CCDC170: variants seen among roughly 807,000 people sequenced by gnomAD.
CCDC170 encodes the protein coiled-coil domain containing 170.
Under a neutral mutation model 72.6 loss-of-function variants are expected in CCDC170, and 69 were observed. The ratio of observed to expected loss-of-function variants is 0.95; its 90% CI spans 0.78 to 1.16. The LOEUF is 1.16. CCDC170 is among the 50% of genes most tolerant of loss of function. The pLI is 0.00. For synonymous variants in CCDC170, 300 were observed against 303.9 expected, an observed-to-expected ratio of 0.99 and a Z score of 0.13; for missense variants, 852 against 832.5, an observed-to-expected ratio of 1.02 and a Z score of -0.29.
chr6:151,562,670 G>A (rs1776058822), intron 5 of CCDC170, among the ~76,000 whole-genome samples: 1 of 152,120 alleles, frequency 6.6e-6, no homozygotes, highest in Non-Finnish European at 1.5e-5. Context: ...CTTATTTTGT[G>A]GAATAGCACT....
At chr6:151,513,936 A>AAAAAAG (rs1782189642) in intron 1 of CCDC170, among the ~76,000 whole-genome samples, 1 of 151,076 alleles carries the variant, frequency 6.6e-6, no homozygotes, top group African/African-American at 2.4e-5. Context: ...AAAAAAAAAA[A>AAAAAAG]AAAGAAAAAA....
In CCDC170 at chr6:151,619,249, G is replaced by C. The variant is rs893268943; in HGVS notation, c.*1102G>C. On this transcript the variant is annotated 3_prime_UTR_variant, in exon 11 of 11. Coordinates refer to ENST00000239374, the MANE Select transcript of CCDC170 (RefSeq NM_025059.4). The stretch of plus-strand genomic sequence containing the variant: ...CCTTTAAAATGGAAAGCTTTATTTG[G>C]AGCCCAACCCTATAAGATGAAGAAA... 2.0e-5 allele frequency: 3 copies of C among 151,942 alleles called. No homozygotes were observed. Among genetic ancestry groups the C allele is most frequent in the Admixed American group, 2.0e-4 (3 of 15,254 alleles). 9.4% of individuals were successfully genotyped at this position (151,942 alleles called of 1,614,324 possible). A position where few individuals can be genotyped will look rare whatever the true frequency, so the allele number is the denominator to read the frequency against.
intron 1 of CCDC170, among the ~76,000 whole-genome samples, chr6:151,528,387 G>T (rs181707318): frequency 6.6e-6 from 1 of 152,272 alleles, no homozygotes; most frequent in African/African-American, 2.4e-5. Flanking sequence ...TTTCATATCT[G>T]TTCAAGTCTA....
intron 8 of CCDC170, among the ~76,000 whole-genome samples, chr6:151,595,973 G>A (rs1776615389): frequency 6.6e-6 from 1 of 152,054 alleles, no homozygotes; most frequent in South Asian, 2.1e-4. Flanking sequence ...GTTAGATGTT[G>A]GACAGGATTT....
intron 9 of CCDC170, among the ~76,000 whole-genome samples, chr6:151,596,831 T>C (rs1776633107): frequency 6.6e-6 from 1 of 152,152 alleles, no homozygotes; most frequent in Admixed American, 6.5e-5. Context: ...GTTTCCTTTT[T>C]TAAAATTTTT....
intron 1 of CCDC170, among the ~76,000 whole-genome samples, chr6:151,516,564 A>G (rs1411025360): frequency 1.3e-5 from 2 of 152,158 alleles, no homozygotes; most frequent in Non-Finnish European, 2.9e-5. Flanking sequence ...ATCTCGCACC[A>G]AGAAGATTAA....
At chr6:151,519,589 T>C (rs1056489264) in intron 1 of CCDC170, among the ~76,000 whole-genome samples, 1 of 152,222 alleles carries the variant, frequency 6.6e-6, no homozygotes, top group African/African-American at 2.4e-5. Context: ...ATTATAAAAG[T>C]ATTAATTTTG....
chr6:151,600,034 G>C (rs1458310982), intron 9 of CCDC170, among the ~76,000 whole-genome samples: 1 of 152,136 alleles, frequency 6.6e-6, no homozygotes, highest in Non-Finnish European at 1.5e-5. Context: ...AGAATTACTC[G>C]GGCCCCTACA....
At chr6:151,514,793 G>A (rs1583004912) in intron 1 of CCDC170, among the ~76,000 whole-genome samples, 1 of 152,338 alleles carries the variant, frequency 6.6e-6, no homozygotes, top group East Asian at 1.9e-4. Flanking sequence ...CACAAAGTGA[G>A]TCGGAAGGGA....
chr6:151,506,850 C>T (rs980534741), intron 1 of CCDC170, among the ~76,000 whole-genome samples: 1 of 152,112 alleles, frequency 6.6e-6, no homozygotes, highest in Non-Finnish European at 1.5e-5. Flanking sequence ...CTAAGATTTC[C>T]CAAGGAACAG....
intron 5 of CCDC170, 57 bp from the exon 6 acceptor site, chr6:151,573,117 C>T: frequency 6.8e-7 from 1 of 1,471,148 alleles, no homozygotes. Context: ...ATAGCAAATG[C>T]AGGTGTACCC....
intron 6 of CCDC170, among the ~76,000 whole-genome samples, chr6:151,574,706 C>A (rs903287575): frequency 1.3e-5 from 2 of 152,128 alleles, no homozygotes; most frequent in African/African-American, 2.4e-5. Context: ...TCAGGCCAAG[C>A]TTTGTCAGTA....
At chr6:151,513,919 CAAAAAAAAAAA>C (rs58387477) in intron 1 of CCDC170, among the ~76,000 whole-genome samples, 9 of 51,212 alleles carry the variant, frequency 1.8e-4, no homozygotes, top group African/African-American at 2.0e-4. Flanking sequence ...GACCCTGTCT[CAAAAAAAAAAA>C]AAAAAAAAAG....
intron 4 of CCDC170, among the ~76,000 whole-genome samples, chr6:151,547,820 CTA>C (rs1782801250): frequency 1.3e-5 from 2 of 152,324 alleles, no homozygotes; most frequent in South Asian, 4.1e-4. Flanking sequence ...TCTCAATTCC[CTA>C]TGATAAACAC....
intron 9 of CCDC170, among the ~76,000 whole-genome samples, chr6:151,612,453 T>A (rs567424595): frequency 6.6e-6 from 1 of 152,218 alleles, no homozygotes; most frequent in African/African-American, 2.4e-5. Flanking sequence ...AATTCATTCA[T>A]TGGGGCAGCA....
chr6:151,506,131 C>A (rs1782063111), intron 1 of CCDC170, among the ~76,000 whole-genome samples: 1 of 152,110 alleles, frequency 6.6e-6, no homozygotes, highest in African/African-American at 2.4e-5. Flanking sequence ...TAAAAGAATT[C>A]TATAGCTCTG....
In CCDC170 at chr6:151,513,991, G is replaced by A. The variant is rs186800273; in HGVS notation, c.57+19806G>A. Among the ~76,000 whole-genome samples the A allele has an allele frequency of 2.6e-3, 392 of 151,372 alleles. 1 individual carries two copies. The highest frequency in any genetic ancestry group is 9.1e-3 in the African/African-American group (374 of 41,276). On this transcript the variant is annotated intron_variant, in intron 1 of 10. Coordinates refer to ENST00000239374, the MANE Select transcript of CCDC170 (RefSeq NM_025059.4). ...TAGAGTTATCTCTGATAAGACTGTG[G>A]GTGGCATTCATTTTTTTCATCGATT...
chr6:151,550,270 T>C (rs1208547652), intron 5 of CCDC170, among the ~76,000 whole-genome samples: 1 of 152,144 alleles, frequency 6.6e-6, no homozygotes, highest in African/African-American at 2.4e-5. Flanking sequence ...GCCCAGCAGA[T>C]GGAATTTAAG....
chr6:151,537,952 T>A, intron 2 of CCDC170, 93 bp from the exon 3 acceptor site: 1 of 1,232,792 alleles, frequency 8.1e-7, no homozygotes, highest in East Asian at 2.3e-5. Flanking sequence ...AATAAAAGAG[T>A]GAACATTTAA....
Sources: allele counts gnomAD v4.1 joint callset (sites outside exome capture counted in the v4.1 genomes callset), GRCh38; gene constraint gnomAD v4.1.1; transcripts MANE v1.5; gene names NCBI Gene and HGNC (gene_info 2026-07-23, HGNC 2026-07-21).